BCAS1: variants seen among roughly 807,000 people sequenced by gnomAD.
BCAS1 encodes brain enriched myelin associated protein 1.
In BCAS1, 46 loss-of-function variants were observed where a neutral mutation model predicts 65.4. The ratio of observed to expected loss-of-function variants is 0.70; its 90% CI spans 0.55 to 0.90. BCAS1 has a LOEUF of 0.90. Among genes scored for constraint, BCAS1 ranks in the 40% least tolerant of loss-of-function variants. The probability of loss-of-function intolerance (pLI) is 0.00; values close to 1 mark genes in which losing one functional copy is unlikely to be tolerated. For synonymous variants in BCAS1, 298 were observed against 293.5 expected (o/e 1.02, Z -0.16); for missense variants, 793 against 771.2 (o/e 1.03, Z -0.33).
intron 4 of BCAS1, among the ~76,000 whole-genome samples, chr20:54,008,805 A>C (rs1428532623): frequency 1.3e-5 from 2 of 151,908 alleles, no homozygotes; most frequent in African/African-American, 4.9e-5. Flanking sequence ...TTATCTAACA[A>C]AGATTTTTTT....
intron 4 of BCAS1, among the ~76,000 whole-genome samples, chr20:54,015,021 A>G (rs2091404054): frequency 6.6e-6 from 1 of 151,994 alleles, no homozygotes. Context: ...TATTTTGCAG[A>G]ATCTCAGAAT....
intron 4 of BCAS1, among the ~76,000 whole-genome samples, chr20:54,001,262 C>G (rs62207383): frequency 0.2 from 31,018 of 152,158 alleles, 3,962 homozygotes; most frequent in South Asian, 0.34. Context: ...TCCAAGCTGC[C>G]CTTGTTCATT....
At chr20:53,963,942 A>G (rs959398143) in intron 10 of BCAS1, among the ~76,000 whole-genome samples, 3 of 152,238 alleles carry the variant, frequency 2.0e-5, no homozygotes, top group Admixed American at 6.5e-5. Context: ...TGGGTGAGAC[A>G]CTTGGTGTGT....
intron 4 of BCAS1, among the ~76,000 whole-genome samples, chr20:54,005,986 G>C (rs2091178504): frequency 6.6e-6 from 1 of 152,190 alleles, no homozygotes; most frequent in Non-Finnish European, 1.5e-5. Context: ...GACTGAGGAA[G>C]TGTTGACTGA....
chr20:53,945,033 G>A, intron 12 of BCAS1, 37 bp from the exon 13 acceptor site: 6 of 1,579,272 alleles, frequency 3.8e-6, no homozygotes, highest in Non-Finnish European at 5.2e-6. Flanking sequence ...GCCTATTGAA[G>A]CTCTGTAATG....
At chr20:54,069,032 GA>G (rs1326699715) in intron 1 of BCAS1, among the ~76,000 whole-genome samples, 1 of 152,012 alleles carries the variant, frequency 6.6e-6, no homozygotes, top group Non-Finnish European at 1.5e-5. Context: ...GAACTCTTTG[GA>G]AAAAAAGAAT....
chr20:53,981,995 A>G (rs2090494615), intron 8 of BCAS1, among the ~76,000 whole-genome samples: 1 of 152,236 alleles, frequency 6.6e-6, no homozygotes, highest in South Asian at 2.1e-4. Flanking sequence ...TGATGACATC[A>G]TTCACTGAGC....
At chr20:54,000,017 A>G (rs1010773543) in intron 4 of BCAS1, among the ~76,000 whole-genome samples, 1 of 152,330 alleles carries the variant, frequency 6.6e-6, no homozygotes, top group African/African-American at 2.4e-5. Context: ...GGCATGAGCC[A>G]CTGCGCCTGA....
chr20:54,005,263 C>T (rs1353423167), intron 4 of BCAS1, among the ~76,000 whole-genome samples: 1 of 119,414 alleles, frequency 8.4e-6, no homozygotes, highest in East Asian at 2.2e-4. Flanking sequence ...CAAGACCAGC[C>T]TGGGCAATAT....
chr20:54,068,315 A>G (rs2092470015), intron 1 of BCAS1: 1 of 154,406 alleles, frequency 6.5e-6, no homozygotes, highest in Non-Finnish European at 1.5e-5. Flanking sequence ...TAGTCTTATT[A>G]TTGCACCAAA....
intron 8 of BCAS1, among the ~76,000 whole-genome samples, chr20:53,977,751 T>C (rs1417899965): frequency 6.6e-6 from 1 of 152,234 alleles, no homozygotes; most frequent in East Asian, 1.9e-4. Context: ...AAATATTGTC[T>C]TTTTCAAAAG....
At chr20:53,968,588 G>A (rs751755072) in intron 9 of BCAS1, among the ~76,000 whole-genome samples, 2 of 152,078 alleles carry the variant, frequency 1.3e-5, no homozygotes, top group Non-Finnish European at 2.9e-5. Context: ...CCAACATTTG[G>A]CAACTAAATC....
intron 10 of BCAS1, among the ~76,000 whole-genome samples, chr20:53,963,913 C>A (rs916294419): frequency 2.0e-5 from 3 of 152,188 alleles, no homozygotes; most frequent in Admixed American, 6.5e-5. Flanking sequence ...TACAGGCTTG[C>A]GAAGCAGCTG....
intron 1 of BCAS1, among the ~76,000 whole-genome samples, chr20:54,061,094 A>G (rs1382684554): frequency 1.3e-5 from 2 of 152,212 alleles, no homozygotes; most frequent in East Asian, 3.8e-4. Flanking sequence ...GTATTGTCTC[A>G]TGTAGTCCTA....
chr20:54,024,809 GCAGC>G (rs2091635967), intron 4 of BCAS1, among the ~76,000 whole-genome samples: 1 of 152,174 alleles, frequency 6.6e-6, no homozygotes, highest in Non-Finnish European at 1.5e-5. Context: ...ATAGGATTTG[GCAGC>G]CAGGGTGATG....
At chr20:53,980,515 AG>A (rs2090450272) in intron 8 of BCAS1, among the ~76,000 whole-genome samples, 1 of 152,258 alleles carries the variant, frequency 6.6e-6, no homozygotes. Flanking sequence ...TATTATTGTC[AG>A]GCAGTGGGTT....
At chr20:54,029,820 A>G (rs1365286858) in intron 3 of BCAS1, among the ~76,000 whole-genome samples, 2 of 152,254 alleles carry the variant, frequency 1.3e-5, no homozygotes, top group African/African-American at 4.8e-5. Flanking sequence ...GCTAGTAAGC[A>G]GCAGAGTCTG....
chr20:53,970,920 AT>A (rs11475396), intron 9 of BCAS1, among the ~76,000 whole-genome samples: 17,352 of 149,106 alleles, frequency 0.12, 1,321 homozygotes, highest in East Asian at 0.31. Context: ...CCTCCCACAG[AT>A]TTTTTTTTTT....
intron 4 of BCAS1, 91 bp downstream of exon 4, chr20:54,028,301 C>T: frequency 7.3e-7 from 1 of 1,378,144 alleles, no homozygotes; most frequent in Non-Finnish European, 1.0e-6. Context: ...TTGCCTAGGC[C>T]CAGGGTGACT....
Sources: gnomAD v4.1 joint callset for allele counts (sites outside exome capture counted in the v4.1 genomes callset) on GRCh38, gnomAD v4.1.1 for gene constraint, MANE v1.5 for transcripts, NCBI Gene and HGNC (gene_info 2026-07-23, HGNC 2026-07-21) for gene names.